Variants in CDH13 observed in about 807,000 individuals in gnomAD.
CDH13 encodes cadherin-13.
In CDH13, 24 loss-of-function variants were observed where a neutral mutation model predicts 63.8. The ratio of observed to expected loss-of-function variants is 0.38; its 90% CI spans 0.27 to 0.53. CDH13 has a LOEUF of 0.53. Ranked by LOEUF, CDH13 falls within the 20% of genes least tolerant of loss-of-function variation. The pLI is 0.85. For missense variants in CDH13, 1,049 were observed against 903.1 expected (o/e 1.16, Z -2.07); for synonymous variants, 503 against 355.3 (o/e 1.42, Z -4.67).
chr16:82,754,070 C>T (rs897840722), intron 1 of CDH13, among the ~76,000 whole-genome samples: 1 of 152,160 alleles, frequency 6.6e-6, no homozygotes, highest in African/African-American at 2.4e-5. Context: ...GGTACAGGGG[C>T]AGCAGCTGGA....
chr16:82,864,238 A>G lies in CDH13; in HGVS notation c.157+5765A>G, dbSNP rs540791235. Among the ~76,000 whole-genome samples, 9 of 152,226 alleles carry G rather than the reference A, an allele frequency of 5.9e-5. No homozygotes were observed. In the Middle Eastern group the frequency reaches 0.01, roughly 173 times the overall value. ...AAGAGGCAGGGGTATTTCTTAGGAGACATTTTCATGAAGGGACTCCTGTCC... is the reference window on the plus strand; with the variant it reads ...AAGAGGCAGGGGTATTTCTTAGGAGGCATTTTCATGAAGGGACTCCTGTCC... On this transcript the variant is annotated intron_variant, in intron 2 of 13. Transcript: ENST00000567109.
intron 6 of CDH13, among the ~76,000 whole-genome samples, chr16:83,396,381 T>C (rs2091887188): frequency 6.6e-6 from 1 of 152,200 alleles, no homozygotes; most frequent in Non-Finnish European, 1.5e-5. Context: ...AGTGAATTAA[T>C]GATCTTTATA....
intron 8 of CDH13, among the ~76,000 whole-genome samples, chr16:83,632,067 A>G (rs1910823910): frequency 6.6e-6 from 1 of 152,184 alleles, no homozygotes; most frequent in Non-Finnish European, 1.5e-5. Flanking sequence ...GAACGAACCC[A>G]ATTATTTGGA....
intron 7 of CDH13, among the ~76,000 whole-genome samples, chr16:83,535,782 ACAGAGG>A (rs1286922744): frequency 6.6e-6 from 1 of 151,302 alleles, no homozygotes; most frequent in East Asian, 1.9e-4. Flanking sequence ...AGTGCTTGAC[ACAGAGG>A]AAGTATTTGG....
intron 1 of CDH13, among the ~76,000 whole-genome samples, chr16:82,686,341 C>G (rs1295798771): frequency 6.6e-6 from 1 of 152,192 alleles, no homozygotes; most frequent in Non-Finnish European, 1.5e-5. Flanking sequence ...CCATGAGAGA[C>G]TAGAACACAA....
rs1281314119 is a variant in CDH13, at chr16:83,427,618, A to C, written c.782-58859A>C. ...ACTGCAGCTGCAAGAGACTCATATA[A>C]AATACCAGCACCACTAGATAACACA... On this transcript the variant is annotated intron_variant, in intron 6 of 13. Transcript: ENST00000567109. Among the ~76,000 whole-genome samples the C allele has an allele frequency of 2.6e-5, 4 of 152,048 alleles. No homozygotes were observed. The East Asian group carries it at 7.7e-4, about 29-fold the overall frequency.
In CDH13 at chr16:83,040,886, T is replaced by C. The variant is rs370752035; in HGVS notation, c.366+8668T>C. On this transcript the variant is annotated intron_variant, in intron 3 of 13. Coordinates refer to ENST00000567109, the MANE Select transcript of CDH13 (RefSeq NM_001257.5). ...TGTTCAGCTAATGAACGAGGCAAAC[T>C]GAGGTGACCCAGTCCTCCATCCATG... Among the ~76,000 whole-genome samples, 6 of 152,306 alleles carry C rather than the reference T, an allele frequency of 3.9e-5. No homozygotes were observed. In the South Asian group the frequency reaches 1.2e-3, roughly 32 times the overall value.
chr16:82,641,377 G>T (rs1439669068), intron 1 of CDH13, among the ~76,000 whole-genome samples: 2 of 152,196 alleles, frequency 1.3e-5, no homozygotes, highest in East Asian at 3.9e-4. Flanking sequence ...ATGAATATAT[G>T]TGATTTCTCT....
intron 4 of CDH13, among the ~76,000 whole-genome samples, chr16:83,163,282 T>C (rs2037524226): frequency 6.6e-6 from 1 of 152,026 alleles, no homozygotes; most frequent in Non-Finnish European, 1.5e-5. Flanking sequence ...AATGGACTAA[T>C]ACACTCACCT....
intron 5 of CDH13, among the ~76,000 whole-genome samples, chr16:83,232,025 C>G (rs559346025): frequency 6.6e-6 from 1 of 150,796 alleles, no homozygotes; most frequent in South Asian, 2.1e-4. Context: ...AATGAGAACA[C>G]ATGGACACAA....
intron 5 of CDH13, among the ~76,000 whole-genome samples, chr16:83,301,035 T>TG (rs1567574916): frequency 7.5e-6 from 1 of 132,806 alleles, no homozygotes. Flanking sequence ...GTTTTTTTTT[T>TG]TTTTTTTTTT....
intron 11 of CDH13, among the ~76,000 whole-genome samples, chr16:83,778,072 G>A (rs1915244956): frequency 6.6e-6 from 1 of 152,236 alleles, no homozygotes; most frequent in African/African-American, 2.4e-5. Context: ...CTTAAAATGT[G>A]TGACCTATGA....
At chr16:82,714,981 A>G (rs2032259599) in intron 1 of CDH13, among the ~76,000 whole-genome samples, 1 of 132,516 alleles carries the variant, frequency 7.5e-6, no homozygotes, top group Non-Finnish European at 1.6e-5. Flanking sequence ...CCAGTGTGTG[A>G]TACTTTGTTC....
intron 5 of CDH13, among the ~76,000 whole-genome samples, chr16:83,272,975 A>C (rs886647686): frequency 2.6e-5 from 4 of 151,942 alleles, no homozygotes; most frequent in Admixed American, 2.0e-4. Context: ...CGGTAAGCAC[A>C]ATCTGCTCAG....
chr16:83,500,345 C>T (rs759299235), intron 7 of CDH13, among the ~76,000 whole-genome samples: 111 of 696 alleles, frequency 0.16, 53 homozygotes, highest in East Asian at 1. Context: ...CCTCCTCCTC[C>T]TCCTCCTCCT....
intron 4 of CDH13, among the ~76,000 whole-genome samples, chr16:83,136,038 G>C (rs1249511324): frequency 6.6e-6 from 1 of 152,120 alleles, no homozygotes; most frequent in Non-Finnish European, 1.5e-5. Flanking sequence ...TGGGAGAGGG[G>C]AGAGGGATAA....
intron 7 of CDH13, among the ~76,000 whole-genome samples, chr16:83,524,894 G>A (rs1356804243): frequency 6.6e-6 from 1 of 152,170 alleles, no homozygotes; most frequent in Non-Finnish European, 1.5e-5. Context: ...GAAATCATAT[G>A]AGTGGGTTCC....
chr16:82,882,186 G>A lies in CDH13; in HGVS notation c.157+23713G>A, dbSNP rs993370825. Among the ~76,000 whole-genome samples, 3 of 152,152 alleles carry A rather than the reference G, an allele frequency of 2.0e-5. No homozygotes were observed. In the South Asian group the frequency reaches 6.2e-4, roughly 32 times the overall value. ...TCTTTTTATGAGTTACTGCCATGGT[G>A]TGAATAAAGCACACAAGTGTCACAA... On this transcript the variant is annotated intron_variant, in intron 2 of 13. Coordinates refer to ENST00000567109, the MANE Select transcript of CDH13 (RefSeq NM_001257.5).
rs190555938 is a variant in CDH13 at position 83,087,590 on chromosome 16, C to T, written c.367-37795C>T. Among the ~76,000 whole-genome samples the T allele has an allele frequency of 2.3e-4, 32 of 140,736 alleles. No homozygotes were observed. The South Asian group carries it at 6.7e-3, about 29-fold the overall frequency. 92.3% of individuals were successfully genotyped at this position (140,736 alleles called of 152,430 possible). A position where few individuals can be genotyped will look rare whatever the true frequency, so the allele number is the denominator to read the frequency against. On this transcript the variant is annotated intron_variant, in intron 3 of 13. Coordinates refer to ENST00000567109, the MANE Select transcript of CDH13 (RefSeq NM_001257.5). ...GGCTGATGCAGCAGACTCACTTGAA[C>T]GCGGGAGCCGGAGGTCACAGCGAGC...
Sources: allele counts gnomAD v4.1 joint callset (sites outside exome capture counted in the v4.1 genomes callset), GRCh38; gene constraint gnomAD v4.1.1; transcripts MANE v1.5; gene names NCBI Gene and HGNC (gene_info 2026-07-23, HGNC 2026-07-21).